KSR2: variants seen among roughly 807,000 people sequenced by gnomAD.
The protein encoded by KSR2 is kinase suppressor of ras 2.
KSR2 carries 25 observed loss-of-function variants against 107.8 expected under a neutral mutation model. The observed-to-expected ratio is 0.23, with a 90% CI of 0.17 to 0.32. The LOEUF is 0.32. Among genes scored for constraint, KSR2 ranks in the 10% least tolerant of loss-of-function variants. The pLI, the probability that KSR2 is intolerant of heterozygous loss-of-function variation, is 1.00. For missense variants in KSR2, 887 were observed against 1,268.9 expected (o/e 0.70, Z 4.57); for synonymous variants, 480 against 507.0 (o/e 0.95, Z 0.71).
chr12:117,744,992 CA>C (rs1888354669), intron 4 of KSR2, among the ~76,000 whole-genome samples: 1 of 152,110 alleles, frequency 6.6e-6, no homozygotes, highest in East Asian at 1.9e-4. Flanking sequence ...TAACTCCCCC[CA>C]ACAAAACTAT....
At chr12:117,616,277 G>A (rs185846666) in intron 5 of KSR2, among the ~76,000 whole-genome samples, 1 of 151,950 alleles carries the variant, frequency 6.6e-6, no homozygotes, top group Admixed American at 6.6e-5. Context: ...GAAAAAAAGA[G>A]AAGAAAAAGA....
chr12:117,941,991 G>C (rs1896024491), intron 1 of KSR2, among the ~76,000 whole-genome samples: 1 of 151,946 alleles, frequency 6.6e-6, no homozygotes, highest in Non-Finnish European at 1.5e-5. Context: ...CTCTTTCCAA[G>C]GGATCATTAG....
rs768799651 is a variant in KSR2, at chr12:117,530,983, C to G, written c.1760G>C (p.Arg587Pro). Residue 587 changes from arginine to proline, a missense_variant, in exon 12 of 20, where the codon CGG (arginine) becomes CCG (proline). Around this residue, in one of 8 missense-constraint regions of KSR2, gnomAD observed 308 missense variants for 506.2 expected, o/e 0.61. Transcript: ENST00000339824. ...CGGATGCAGGATGACCTGGGGCGCC[C>G]GGGTCGGCGTCTCCGGCACCGGCAC... Reference protein sequence around the residue: ...DVVPVPETPTRAPQVILHPVT... With the variant: ...DVVPVPETPTPAPQVILHPVT... 1.2e-6 allele frequency: 2 copies of G among 1,613,448 alleles called. No homozygotes were observed. The highest frequency in any genetic ancestry group is 1.3e-5 in the African/African-American group (1 of 74,898).
At chr12:117,809,261 G>A (rs529318692) in intron 3 of KSR2, among the ~76,000 whole-genome samples, 3 of 152,128 alleles carry the variant, frequency 2.0e-5, no homozygotes, top group Admixed American at 6.5e-5. Flanking sequence ...ATACCTCTAC[G>A]CCAAGGTTTC....
intron 5 of KSR2, among the ~76,000 whole-genome samples, chr12:117,607,801 C>CAGACAGGTG (rs370774460): frequency 1.5e-4 from 23 of 152,272 alleles, no homozygotes; most frequent in African/African-American, 5.1e-4. Flanking sequence ...CTGAGGCCGA[C>CAGACAGGTG]AGACAGGTGT....
rs112302567 is a variant in KSR2 at position 117,572,178 on chromosome 12, C to T, written c.1325+6941G>A. Among the ~76,000 whole-genome samples the T allele has an allele frequency of 5.5e-3, 844 of 152,322 alleles. 5 individuals are homozygous for T. The highest frequency in any genetic ancestry group is 0.019 in the African/African-American group (798 of 41,578). ...AGGCTGTTTCCTCGGCCCAGAGCAC[C>T]CTGACGCTGCTTCGCCTGGCTAACT... On this transcript the variant is annotated intron_variant, in intron 7 of 19. Coordinates refer to ENST00000339824, the MANE Select transcript of KSR2 (RefSeq NM_173598.6).
chr12:117,954,238 G>A (rs1896444012), intron 1 of KSR2, among the ~76,000 whole-genome samples: 1 of 152,206 alleles, frequency 6.6e-6, no homozygotes, highest in South Asian at 2.1e-4. Context: ...AACCTCTGAA[G>A]GGTCCCCCCT....
intron 1 of KSR2, among the ~76,000 whole-genome samples, chr12:117,925,003 C>T (rs1035165925): frequency 3.9e-5 from 6 of 152,024 alleles, no homozygotes; most frequent in Admixed American, 1.3e-4. Flanking sequence ...CTGGGATTTG[C>T]GTCAAAACAC....
Position 117,585,056 on chromosome 12 carries a change from CTG to C in KSR2, c.1172-2699_1172-2698del, listed in dbSNP as rs764103053. The stretch of plus-strand genomic sequence containing the variant: ...TTTTTGGTTGTCACACTGTGTGTGT[CTG>C]TGTGTGTGTGTGCGTGTGTGTGTGT... On this transcript the variant is annotated intron_variant, in intron 5 of 19. Coordinates refer to ENST00000339824, the MANE Select transcript of KSR2 (RefSeq NM_173598.6). Among the ~76,000 whole-genome samples the C allele has an allele frequency of 5.3e-5, 8 of 151,890 alleles. No individual in the cohort carries two copies. The East Asian group carries it at 1.5e-3, about 29-fold the overall frequency.
chr12:117,511,352 T>C (rs1874014097), intron 14 of KSR2, among the ~76,000 whole-genome samples: 1 of 152,204 alleles, frequency 6.6e-6, no homozygotes, highest in Non-Finnish European at 1.5e-5. Context: ...GTAAGAGAAG[T>C]GGCCAGACTA....
rs372151290 is a variant in KSR2, at chr12:117,968,506, C to T, written c.-251G>A. On this transcript the variant is annotated 5_prime_UTR_variant, in exon 1 of 20. Coordinates refer to ENST00000339824, the MANE Select transcript of KSR2 (RefSeq NM_173598.6). ...TAGAATGTCTCCTCTCTCTCTGAGT[C>T]TCTGGTCCCTGAAAAGGAGAGATGC... 8.0e-7 allele frequency: 1 copy of T among 1,256,040 alleles called. No homozygotes were observed. The highest frequency in any genetic ancestry group is 9.9e-7 in the Non-Finnish European group (1 of 1,005,050). The allele number at this position is 1,256,040 out of a possible 1,614,324, so 77.8% of individuals were successfully genotyped here. A position where few individuals can be genotyped will look rare whatever the true frequency, so the allele number is the denominator to read the frequency against.
At chr12:117,701,696 A>G (rs1348766131) in intron 4 of KSR2, among the ~76,000 whole-genome samples, 3 of 152,140 alleles carry the variant, frequency 2.0e-5, no homozygotes, top group Non-Finnish European at 2.9e-5. Context: ...AAAGGCAGGG[A>G]AGATTTGACA....
At chr12:117,582,121 C>T (rs1879699499) in intron 6 of KSR2, among the ~76,000 whole-genome samples, 169 bp downstream of exon 6, 1 of 152,156 alleles carries the variant, frequency 6.6e-6, no homozygotes, top group African/African-American at 2.4e-5. Context: ...ATGTCTCAGT[C>T]TCCTGGTTGC....
At chr12:117,544,416 G>C (rs1040404803) in intron 9 of KSR2, among the ~76,000 whole-genome samples, 8 of 152,030 alleles carry the variant, frequency 5.3e-5, no homozygotes, top group African/African-American at 1.7e-4. Flanking sequence ...TCAGGAGTTC[G>C]AGACCAGCCT....
intron 7 of KSR2, among the ~76,000 whole-genome samples, chr12:117,564,750 T>C (rs1033423650): frequency 3.3e-5 from 5 of 152,200 alleles, no homozygotes; most frequent in Admixed American, 3.3e-4. Context: ...GTGTGTATTA[T>C]CTGGTGGGTA....
intron 1 of KSR2, among the ~76,000 whole-genome samples, chr12:117,952,077 A>T (rs886956395): frequency 6.6e-6 from 1 of 152,076 alleles, no homozygotes; most frequent in Non-Finnish European, 1.5e-5. Flanking sequence ...GGGATATAAT[A>T]TACAATGTGG....
At chr12:117,732,169 T>C (rs558092967) in intron 4 of KSR2, among the ~76,000 whole-genome samples, 1 of 152,304 alleles carries the variant, frequency 6.6e-6, no homozygotes, top group South Asian at 2.1e-4. Context: ...AGGTGGTAAC[T>C]GCTAAAATTG....
At position 117,928,156 on chromosome 12, in the gene KSR2, T is replaced by G. The variant is rs545644303; in HGVS notation, c.180+39920A>C. Among the ~76,000 whole-genome samples, 4 of 151,324 alleles carry G rather than the reference T, an allele frequency of 2.6e-5. No homozygotes were observed. In the South Asian group the frequency reaches 8.4e-4, roughly 32 times the overall value. On this transcript the variant is annotated intron_variant, in intron 1 of 19. Transcript: ENST00000339824. Reference sequence around the variant, plus strand: ...CAAGGTTTATCCATGTTGTGTAGCATGTGTCAGCACTTCATTCCTTCTTTC... The same window carrying G: ...CAAGGTTTATCCATGTTGTGTAGCAGGTGTCAGCACTTCATTCCTTCTTTC...
intron 5 of KSR2, among the ~76,000 whole-genome samples, chr12:117,638,655 C>A (rs1338553338): frequency 6.6e-6 from 1 of 152,046 alleles, no homozygotes; most frequent in Non-Finnish European, 1.5e-5. Flanking sequence ...CCTGGTCAAA[C>A]AAACTCAGGA....
Sources: gnomAD v4.1 joint callset for allele counts (sites outside exome capture counted in the v4.1 genomes callset) on GRCh38, gnomAD v4.1.1 for gene constraint, gnomAD v4.1.1 regional missense constraint, MANE v1.5 for transcripts, NCBI Gene and HGNC (gene_info 2026-07-23, HGNC 2026-07-21) for gene names.